RMC1: variants seen among roughly 807,000 people sequenced by gnomAD.
The protein encoded by RMC1 is regulator of MON1-CCZ1.
RMC1 carries 44 observed loss-of-function variants against 95.5 expected under a neutral mutation model. The ratio of observed to expected loss-of-function variants is 0.46; its 90% CI spans 0.36 to 0.59. The LOEUF (loss-of-function observed/expected upper bound fraction) is 0.59. Ranked by LOEUF, RMC1 falls within the 20% of genes least tolerant of loss-of-function variation. The pLI is 0.00. For synonymous variants in RMC1, 320 were observed against 303.6 expected (o/e 1.05, Z -0.56); for missense variants, 705 against 819.6 (o/e 0.86, Z 1.71).
At chr18:23,514,932 A>G (rs1419056198) in intron 5 of RMC1, among the ~76,000 whole-genome samples, 1 of 152,112 alleles carries the variant, frequency 6.6e-6, no homozygotes, top group African/African-American at 2.4e-5. Flanking sequence ...GTTCTGTAAT[A>G]TCGGAATATT....
intron 2 of RMC1, among the ~76,000 whole-genome samples, chr18:23,505,796 C>T (rs932208349): frequency 2.0e-5 from 3 of 152,054 alleles, no homozygotes; most frequent in South Asian, 2.1e-4. Flanking sequence ...GTGTGGAAAA[C>T]GAGTGAGCCC....
intron 5 of RMC1, among the ~76,000 whole-genome samples, chr18:23,514,373 G>A (rs2057943332): frequency 6.6e-6 from 1 of 152,146 alleles, no homozygotes; most frequent in Admixed American, 6.5e-5. Context: ...TTTACTAAGT[G>A]CCGTCTCTAC....
At chr18:23,527,650 G>T in intron 13 of RMC1, 145 bp from the exon 14 acceptor site, 20 of 211,550 alleles carry the variant, frequency 9.5e-5, no homozygotes, top group South Asian at 1.4e-4. Context: ...ACATCTAGCT[G>T]TCAGGTCTTT....
At chr18:23,529,955 C>G (rs1042130051) in intron 16 of RMC1, 73 bp from the exon 17 acceptor site, 1 of 1,377,342 alleles carries the variant, frequency 7.3e-7, no homozygotes, top group Non-Finnish European at 1.0e-6. Context: ...AATAGCCAGT[C>G]CTTGGGGAGC....
chr18:23,524,826 G>A (rs558686081), intron 12 of RMC1, among the ~76,000 whole-genome samples: 2 of 151,422 alleles, frequency 1.3e-5, no homozygotes, highest in South Asian at 2.1e-4. Flanking sequence ...CGGTGTCCGT[G>A]CCCTTTTCTG....
chr18:23,506,559 T>C (rs1267879832), intron 2 of RMC1: 1 of 186,326 alleles, frequency 5.4e-6, no homozygotes, highest in Non-Finnish European at 1.1e-5. Context: ...GAGGCGGTCA[T>C]GAGACACTGT....
At position 23,530,114 on chromosome 18, in the gene RMC1, C is replaced by T. The variant is rs2058444991; in HGVS notation, c.1581C>T (p.Leu527=). ...MLHQFLQYHV[L]SDSKPLACLL... ...ATCAGTTCCTGCAGTACCACGTCCT[C>T]AGCGACTCCAAACCTTTGGTATGCA... Residue 527 remains leucine (L), a synonymous_variant, in exon 17 of 20, where the codon CTC becomes CTT. Coordinates refer to ENST00000269221, the MANE Select transcript of RMC1 (RefSeq NM_013326.5). 2.5e-6 allele frequency: 4 copies of T among 1,614,084 alleles called. No individual in the cohort carries two copies. Among genetic ancestry groups the T allele is most frequent in the Non-Finnish European group, 3.4e-6 (4 of 1,180,008 alleles).
intron 3 of RMC1, 111 bp from the exon 4 acceptor site, chr18:23,507,873 TG>T: frequency 1.2e-6 from 1 of 847,324 alleles, no homozygotes; most frequent in Non-Finnish European, 1.7e-6. Flanking sequence ...AGTTATTTTC[TG>T]GTCACTTTTT....
Position 23,519,057 on chromosome 18 carries a change from T to C in RMC1, c.744-12T>C. ...CAGCTTGTTGATCTGTTTTTTGCTTTCTATCCTACAGAGAAGGTGCCTGTA... is the reference window on the plus strand; with the variant it reads ...CAGCTTGTTGATCTGTTTTTTGCTTCCTATCCTACAGAGAAGGTGCCTGTA... On this transcript the variant is annotated splice_polypyrimidine_tract_variant and intron_variant, in intron 8 of 19. Transcript: ENST00000269221. 6.2e-7 allele frequency: 1 copy of C among 1,613,906 alleles called. No homozygotes were observed. The highest frequency in any genetic ancestry group is 8.5e-7 in the Non-Finnish European group (1 of 1,179,774).
rs774020771 is a variant in RMC1, at chr18:23,530,437, C to G, written c.1719C>G (p.His573Gln). The change falls in exon 19 of 20, where the codon CAC becomes CAG. Residue 573 changes from histidine (H) to glutamine (Q), a missense_variant. Coordinates refer to ENST00000269221, the MANE Select transcript of RMC1 (RefSeq NM_013326.5). ...TAGTAGAAGTTCTCCTTTCCAAACA[C>G]CAAGTGTTAGCTGCCTTAAGGTTTA... The part of the protein sequence containing the change: ...DEIVEVLLSK[H>Q]QVLAALRFIR... 1 of 1,614,264 alleles carries G rather than the reference C, an allele frequency of 6.2e-7. No individual in the cohort carries two copies. Among genetic ancestry groups the G allele is most frequent in the Non-Finnish European group, 8.5e-7 (1 of 1,180,056 alleles).
At chr18:23,517,711 C>T (rs1425612848) in intron 7 of RMC1, among the ~76,000 whole-genome samples, 2 of 151,588 alleles carry the variant, frequency 1.3e-5, no homozygotes, top group Non-Finnish European at 2.9e-5. Context: ...TCTTCTGTGG[C>T]ATTCCTGTTT....
rs1465303579 is a variant in RMC1 at position 23,518,990 on chromosome 18, T to G, written c.743+11T>G. The G allele has an allele frequency of 6.2e-7, 1 of 1,613,874 alleles. No homozygotes were observed. On this transcript the variant is annotated intron_variant, in intron 8 of 19. Transcript: ENST00000269221. ...CTATCATCTACCACGGTAGATTTCA[T>G]GCTTTGTTTTCCCTCTCTCTCTGAT...
chr18:23,516,118 C>A, intron 6 of RMC1, 122 bp downstream of exon 6: 1 of 1,432,208 alleles, frequency 7.0e-7, no homozygotes, highest in Non-Finnish European at 9.6e-7. Flanking sequence ...CCGCTCTGAC[C>A]ACTAGAGGGC....
chr18:23,528,868 G>A (rs552042786), intron 14 of RMC1: 3 of 239,040 alleles, frequency 1.3e-5, no homozygotes, highest in Non-Finnish European at 2.5e-5. Flanking sequence ...TGCATAATCT[G>A]CACGGATCTG....
intron 13 of RMC1, among the ~76,000 whole-genome samples, chr18:23,527,271 C>T (rs1360738870): frequency 6.9e-6 from 1 of 145,936 alleles, no homozygotes; most frequent in Non-Finnish European, 1.5e-5. Flanking sequence ...TGGTGGTATA[C>T]ACCTGTGGCC....
intron 16 of RMC1, 53 bp downstream of exon 16, chr18:23,529,765 A>C: frequency 6.5e-7 from 1 of 1,528,084 alleles, no homozygotes; most frequent in Non-Finnish European, 9.0e-7. Context: ...TTAAAAAAAA[A>C]ACACAGTCAC....
In RMC1 at chr18:23,524,366, C is replaced by T. The variant is rs750204096; in HGVS notation, c.1007-63C>T. 11 of 1,581,570 alleles carry T rather than the reference C, an allele frequency of 7.0e-6. No homozygotes were observed. In the East Asian group the frequency reaches 1.1e-4, roughly 16 times the overall value. ...CATGGTGGGCAGGGGCGAGTGCTAG[C>T]GGAAACTGGGTTTGCTTTTTGTTTT... On this transcript the variant is annotated intron_variant, in intron 11 of 19. Coordinates refer to ENST00000269221, the MANE Select transcript of RMC1 (RefSeq NM_013326.5).
At chr18:23,528,058 TGGA>T (rs2058359928) in intron 14 of RMC1, 157 bp downstream of exon 14, 3 of 582,378 alleles carry the variant, frequency 5.2e-6, no homozygotes, top group East Asian at 3.0e-5. Flanking sequence ...TGGGGGATAG[TGGA>T]GGAGTAGTAA....
intron 5 of RMC1, among the ~76,000 whole-genome samples, chr18:23,514,243 C>T (rs11664076): frequency 0.36 from 55,044 of 152,166 alleles, 11,376 homozygotes; most frequent in Admixed American, 0.46. Flanking sequence ...TGGCTGGGCA[C>T]GGTGGCTCAT....
Sources: allele counts gnomAD v4.1 joint callset (sites outside exome capture counted in the v4.1 genomes callset), GRCh38; gene constraint gnomAD v4.1.1; transcripts MANE v1.5; gene names NCBI Gene and HGNC (gene_info 2026-07-23, HGNC 2026-07-21).